STX12: variants seen among roughly 807,000 people sequenced by gnomAD.
STX12 encodes the protein syntaxin-12.
In STX12, 17 loss-of-function variants were observed where a neutral mutation model predicts 42.2. The ratio of observed to expected loss-of-function variants is 0.40; its 90% CI spans 0.28 to 0.60. STX12 has a LOEUF of 0.60. STX12 is among the 20% of genes least tolerant of loss of function. The pLI is 0.39. For synonymous variants in STX12, 108 were observed against 116.7 expected, an observed-to-expected ratio of 0.93 and a Z score of 0.48; for missense variants, 297 against 330.9, an observed-to-expected ratio of 0.90 and a Z score of 0.79.
At chr1:27,812,330 G>A in intron 6 of STX12, 62 bp downstream of exon 6, 1 of 1,217,360 alleles carries the variant, frequency 8.2e-7, no homozygotes, top group Non-Finnish European at 1.2e-6. Context: ...GAACTCCTTA[G>A]TTCACTTTAA....
rs2088999139 is a variant in STX12, at chr1:27,823,449, T to C, written c.*1120T>C. On this transcript the variant is annotated 3_prime_UTR_variant, in exon 9 of 9. Coordinates refer to ENST00000373943, the MANE Select transcript of STX12 (RefSeq NM_177424.3). ...GCATAGTTTTAGACAAAAAAAGATG[T>C]TTCAATAAAATTACTGTCTTGTAAT... 6.6e-6 allele frequency: 1 copy of C among 152,552 alleles called. No individual in the cohort carries two copies. The highest frequency in any genetic ancestry group is 2.4e-5 in the African/African-American group (1 of 41,350). The allele number at this position is 152,552 out of a possible 1,614,324, so 9.4% of individuals were successfully genotyped here. A position where few individuals can be genotyped will look rare whatever the true frequency, so the allele number is the denominator to read the frequency against.
At chr1:27,791,044 C>G (rs572608102) in intron 2 of STX12, among the ~76,000 whole-genome samples, 2 of 151,434 alleles carry the variant, frequency 1.3e-5, no homozygotes, top group South Asian at 4.2e-4. Context: ...GCAGATCACC[C>G]GAGGTCGGGA....
At chr1:27,788,325 A>G (rs893449814) in intron 1 of STX12, among the ~76,000 whole-genome samples, 1 of 152,244 alleles carries the variant, frequency 6.6e-6, no homozygotes, top group African/African-American at 2.4e-5. Flanking sequence ...AAAGCAAGGC[A>G]TAAAATAAAT....
At chr1:27,778,670 C>T (rs1211425043) in intron 1 of STX12, among the ~76,000 whole-genome samples, 1 of 150,312 alleles carries the variant, frequency 6.7e-6, no homozygotes, top group Admixed American at 6.6e-5. Context: ...GCACTCCAGC[C>T]TGGGCAACAG....
chr1:27,814,706 C>T (rs536221152), intron 6 of STX12, among the ~76,000 whole-genome samples: 1 of 151,532 alleles, frequency 6.6e-6, no homozygotes, highest in Non-Finnish European at 1.5e-5. Flanking sequence ...AAAAATTAGC[C>T]GGGTGTGGTG....
chr1:27,777,570 T>G (rs374684037), intron 1 of STX12, among the ~76,000 whole-genome samples: 35 of 152,264 alleles, frequency 2.3e-4, no homozygotes, highest in African/African-American at 7.9e-4. Flanking sequence ...TACCATATCC[T>G]ATGACCCTAG....
chr1:27,817,918 T>C lies in STX12; in HGVS notation c.644T>C (p.Leu215Pro), dbSNP rs1471170221. The C allele has an allele frequency of 6.2e-7, 1 of 1,613,516 alleles. No individual in the cohort carries two copies. The highest frequency in any genetic ancestry group is 1.1e-5 in the South Asian group (1 of 91,042). Reference sequence around the variant, plus strand: ...ATGATGATCCATGACCAGGGTGATCTGATTGGTATGTATTATTGATACCTT... The same window carrying C: ...ATGATGATCCATGACCAGGGTGATCCGATTGGTATGTATTATTGATACCTT... ...LAMMIHDQGD[L>P]IDSIEANVES... The change falls in exon 7 of 9, where the codon CTG becomes CCG. Residue 215 changes from leucine to proline, a missense_variant. Transcript: ENST00000373943.
intron 6 of STX12, 109 bp from the exon 7 acceptor site, chr1:27,817,742 T>C (rs2088952954): frequency 6.9e-6 from 6 of 863,462 alleles, no homozygotes; most frequent in Admixed American, 2.2e-5. Context: ...GCATGCTTTG[T>C]AGAGCCTTAA....
At chr1:27,809,987 G>T in intron 4 of STX12, 2 of 305,942 alleles carry the variant, frequency 6.5e-6, no homozygotes, top group Admixed American at 4.8e-5. Flanking sequence ...TTTATTTTTA[G>T]CCCTTTCTCC....
At chr1:27,799,071 C>A (rs2088809272) in intron 3 of STX12, among the ~76,000 whole-genome samples, 1 of 152,062 alleles carries the variant, frequency 6.6e-6, no homozygotes, top group South Asian at 2.1e-4. Flanking sequence ...ATGATGTCCT[C>A]CCCGTTATTG....
chr1:27,810,677 C>A (rs1186139455), intron 5 of STX12, among the ~76,000 whole-genome samples: 1 of 152,208 alleles, frequency 6.6e-6, no homozygotes, highest in Admixed American at 6.5e-5. Flanking sequence ...GGAAGCAACT[C>A]ATCCTTCTAG....
chr1:27,773,506 CTGGGG>C, intron 1 of STX12, 81 bp downstream of exon 1: 1 of 1,353,814 alleles, frequency 7.4e-7, no homozygotes, highest in Non-Finnish European at 1.0e-6. Flanking sequence ...CAGGGCCCGG[CTGGGG>C]CTACGGCCGA....
At chr1:27,814,519 C>A (rs1280216079) in intron 6 of STX12, among the ~76,000 whole-genome samples, 1 of 151,772 alleles carries the variant, frequency 6.6e-6, no homozygotes, top group Non-Finnish European at 1.5e-5. Flanking sequence ...CAGAGCAAGA[C>A]TCTGTCTCAA....
Position 27,824,094 on chromosome 1 carries a change from AAAAG to A in STX12, c.*1768_*1771del, listed in dbSNP as rs1428501560. ...TTTTTTAATGATTTTTTAATTAAAAAAAAGAACAACAGGATAGAGCTGTTGGGGT... is the reference window on the plus strand; with the variant it reads ...TTTTTTAATGATTTTTTAATTAAAAAAACAACAGGATAGAGCTGTTGGGGT... On this transcript the variant is annotated 3_prime_UTR_variant, in exon 9 of 9. Coordinates refer to ENST00000373943, the MANE Select transcript of STX12 (RefSeq NM_177424.3). 6.6e-6 allele frequency: 1 copy of A among 152,168 alleles called. No homozygotes were observed. Among genetic ancestry groups the A allele is most frequent in the Admixed American group, 6.6e-5 (1 of 15,264 alleles). 9.4% of individuals were successfully genotyped at this position (152,168 alleles called of 1,614,324 possible).
At chr1:27,776,103 G>C (rs1054601583) in intron 1 of STX12, among the ~76,000 whole-genome samples, 1 of 151,946 alleles carries the variant, frequency 6.6e-6, no homozygotes, top group Non-Finnish European at 1.5e-5. Context: ...GATAGGAGAG[G>C]TTTCCTTGGT....
chr1:27,808,159 A>G (rs183608985), intron 4 of STX12, among the ~76,000 whole-genome samples: 1 of 152,164 alleles, frequency 6.6e-6, no homozygotes, highest in Non-Finnish European at 1.5e-5. Flanking sequence ...GATAAAGTAA[A>G]AAGAAAAAAA....
At chr1:27,800,062 G>A (rs1222153718) in intron 3 of STX12, among the ~76,000 whole-genome samples, 1 of 152,188 alleles carries the variant, frequency 6.6e-6, no homozygotes, top group Non-Finnish European at 1.5e-5. Context: ...GCCTAGCTTG[G>A]CATTTAAAAC....
intron 1 of STX12, among the ~76,000 whole-genome samples, chr1:27,777,835 C>T (rs972951732): frequency 5.9e-5 from 9 of 151,818 alleles, no homozygotes; most frequent in East Asian, 1.9e-4. Flanking sequence ...TGCGGTGAGC[C>T]GAGATTGCGC....
intron 3 of STX12, among the ~76,000 whole-genome samples, chr1:27,799,685 A>G (rs1376551248): frequency 6.6e-6 from 1 of 151,864 alleles, no homozygotes; most frequent in African/African-American, 2.4e-5. Context: ...TGGTTTCACC[A>G]TGTTAGCCAG....
Sources: allele counts gnomAD v4.1 joint callset (sites outside exome capture counted in the v4.1 genomes callset), GRCh38; gene constraint gnomAD v4.1.1; transcripts MANE v1.5; gene names NCBI Gene and HGNC (gene_info 2026-07-23, HGNC 2026-07-21).